The following HSH2D variants were observed in gnomAD, a reference collection of about 807,000 sequenced individuals.
HSH2D encodes the protein hematopoietic SH2 domain-containing protein.
Under a neutral mutation model 21.5 loss-of-function variants are expected in HSH2D, and 16 were observed. The observed-to-expected ratio is 0.74, with a 90% CI of 0.50 to 1.13. HSH2D has a LOEUF of 1.13. HSH2D is among the 50% of genes most tolerant of loss of function. The probability of loss-of-function intolerance (pLI) is 0.00; values close to 1 mark genes in which losing one functional copy is unlikely to be tolerated. For synonymous variants in HSH2D, 172 were observed against 184.7 expected (o/e 0.93, Z 0.56); for missense variants, 418 against 441.4 (o/e 0.95, Z 0.47).
intron 1 of HSH2D, among the ~76,000 whole-genome samples, chr19:16,134,887 A>G (rs55663102): frequency 0.14 from 21,509 of 151,744 alleles, 1,813 homozygotes; most frequent in East Asian, 0.29. Flanking sequence ...CTTGAGAGGC[A>G]GAGGCAGGGG....
chr19:16,146,329 G>A (rs931569488), intron 1 of HSH2D, among the ~76,000 whole-genome samples: 2 of 152,136 alleles, frequency 1.3e-5, no homozygotes, highest in Non-Finnish European at 2.9e-5. Context: ...ACAACGTGTA[G>A]TGACGTTGGT....
At chr19:16,148,105 T>C (rs1348331913) in intron 1 of HSH2D, among the ~76,000 whole-genome samples, 1 of 152,086 alleles carries the variant, frequency 6.6e-6, no homozygotes, top group Non-Finnish European at 1.5e-5. Context: ...ACTACAGGCA[T>C]GCACCACCAC....
chr19:16,146,793 G>C (rs1372726306), intron 1 of HSH2D, among the ~76,000 whole-genome samples: 2 of 151,690 alleles, frequency 1.3e-5, no homozygotes, highest in Admixed American at 6.6e-5. Flanking sequence ...TTCCTCCAGG[G>C]GCCTTGATAT....
upstream of HSH2D, among the ~76,000 whole-genome samples, chr19:16,139,446 G>A (rs1342945332): frequency 6.6e-6 from 1 of 152,160 alleles, no homozygotes; most frequent in Non-Finnish European, 1.5e-5. Flanking sequence ...ACCGGGCATG[G>A]TGGTGTGAGC....
chr19:16,139,292 AAG>A (rs1331439287), upstream of HSH2D, among the ~76,000 whole-genome samples: 5 of 152,302 alleles, frequency 3.3e-5, no homozygotes, highest in East Asian at 5.8e-4. Flanking sequence ...AAATTACATC[AAG>A]TCCAGGGTTG....
chr19:16,148,428 C>T (rs2091101337), intron 1 of HSH2D, among the ~76,000 whole-genome samples: 2 of 152,056 alleles, frequency 1.3e-5, no homozygotes, highest in African/African-American at 2.4e-5. Context: ...AGATTACAGG[C>T]GTGAGCCACC....
intron 2 of HSH2D, among the ~76,000 whole-genome samples, chr19:16,151,185 C>A (rs1741688435): frequency 6.6e-6 from 1 of 151,816 alleles, no homozygotes; most frequent in Non-Finnish European, 1.5e-5. Flanking sequence ...ATTAGCTGGG[C>A]GTGGTTGCGG....
At chr19:16,140,165 C>T (rs188537209), upstream of HSH2D, among the ~76,000 whole-genome samples, 2 of 152,094 alleles carry the variant, frequency 1.3e-5, no homozygotes, top group African/African-American at 2.4e-5. Context: ...AGGCCAGGCC[C>T]GGTGGCTCAT....
In HSH2D at chr19:16,143,685, A is replaced by G. The variant is rs2091023255; in HGVS notation, c.-117A>G. 2 of 443,218 alleles carry G rather than the reference A, an allele frequency of 4.5e-6. No individual in the cohort carries two copies. Among genetic ancestry groups the G allele is most frequent in the Admixed American group, 5.0e-5 (2 of 40,146 alleles). The allele number at this position is 443,218 out of a possible 1,614,324, so 27.5% of individuals were successfully genotyped here. Reference sequence around the variant, plus strand: ...GCCTCGGGGCAGCCAGCCCCGCCCCATTGACGTGCAGACCTTGAATCGAAA... The same window carrying G: ...GCCTCGGGGCAGCCAGCCCCGCCCCGTTGACGTGCAGACCTTGAATCGAAA... On this transcript the variant is annotated 5_prime_UTR_variant, in exon 1 of 6. Transcript: ENST00000613986.
intron 2 of HSH2D, chr19:16,151,637 T>C (rs903564271): frequency 1.3e-5 from 6 of 455,552 alleles, no homozygotes; most frequent in Non-Finnish European, 2.6e-5. Flanking sequence ...ATCGGGGGAT[T>C]CCAGGCATTG....
chr19:16,144,193 AAAC>A (rs768527880), intron 1 of HSH2D, among the ~76,000 whole-genome samples: 11 of 151,994 alleles, frequency 7.2e-5, no homozygotes, highest in African/African-American at 2.2e-4. Context: ...ACACAGAAAA[AAAC>A]AACAACACAG....
chr19:16,139,288 C>T (rs2090983919), upstream of HSH2D, among the ~76,000 whole-genome samples: 1 of 152,220 alleles, frequency 6.6e-6, no homozygotes, highest in Non-Finnish European at 1.5e-5. Flanking sequence ...CATAAAATTA[C>T]ATCAAGTCCA....
At chr19:16,137,576 CAA>C (rs78977060) in intron 1 of HSH2D, among the ~76,000 whole-genome samples, 26 of 102,430 alleles carry the variant, frequency 2.5e-4, no homozygotes, top group Admixed American at 2.9e-4. Context: ...GACTCCGTCT[CAA>C]AAAAAAAAAA....
intron 2 of HSH2D, chr19:16,151,668 G>A (rs1052221124): frequency 6.6e-6 from 3 of 453,202 alleles, no homozygotes; most frequent in African/African-American, 6.0e-5. Context: ...GTGGGAGATG[G>A]GAGGAGGTCT....
intron 1 of HSH2D, among the ~76,000 whole-genome samples, chr19:16,144,530 T>A (rs2091037564): frequency 2.6e-5 from 4 of 151,928 alleles, no homozygotes; most frequent in Admixed American, 6.6e-5. Context: ...ATATACACAG[T>A]GCTAGCTAAA....
chr19:16,153,700 C>T (rs1046363219), intron 4 of HSH2D, among the ~76,000 whole-genome samples: 8 of 149,316 alleles, frequency 5.4e-5, no homozygotes, highest in African/African-American at 2.0e-4. Flanking sequence ...TCCCAATACG[C>T]TTTCCTTAGA....
intron 1 of HSH2D, among the ~76,000 whole-genome samples, chr19:16,136,004 G>A (rs1392223219): frequency 1.3e-5 from 2 of 152,058 alleles, no homozygotes; most frequent in Non-Finnish European, 2.9e-5. Context: ...GCAGCCTAGG[G>A]GGCAGCTCCC....
upstream of HSH2D, among the ~76,000 whole-genome samples, chr19:16,140,579 G>A (rs919554588): frequency 7.2e-5 from 11 of 151,748 alleles, no homozygotes; most frequent in African/African-American, 1.2e-4. Flanking sequence ...TACTCCAGCC[G>A]GGGCGATAGA....
rs369676004 is a variant in HSH2D, at chr19:16,157,403, G to T, written c.668G>T (p.Ser223Ile). The T allele has an allele frequency of 1.2e-6, 2 of 1,613,888 alleles. No homozygotes were observed. The highest frequency in any genetic ancestry group is 1.7e-6 in the Non-Finnish European group (2 of 1,179,868). ...CAGAGGGTCCGGCAGCAGCTAAAAA[G>T]CCACCTCGCCACTGTGAACTTGTCG... ...RGQRVRQQLK[S>I]HLATVNLSSL... The change falls in exon 6 of 6, where the codon AGC (serine) becomes ATC (isoleucine). Residue 223 changes from serine (S) to isoleucine (I), a missense_variant. Coordinates refer to ENST00000613986, the MANE Select transcript of HSH2D (RefSeq NM_001382417.1). This position sits in a 1 kb window ranked among gnomAD's most constrained non-coding sequence, Gnocchi z 4.4.
Sources: gnomAD v4.1 joint callset for allele counts (sites outside exome capture counted in the v4.1 genomes callset) on GRCh38, gnomAD v4.1.1 for gene constraint, Gnocchi (gnomAD v3.1) non-coding constraint, MANE v1.5 for transcripts, NCBI Gene and HGNC (gene_info 2026-07-23, HGNC 2026-07-21) for gene names.